KDM6A: variants seen among roughly 807,000 people sequenced by gnomAD.
The protein encoded by KDM6A is lysine demethylase 6A, also known as lysine-specific demethylase 6A.
Under a neutral mutation model 117.6 loss-of-function variants are expected in KDM6A, and 11 were observed. The observed-to-expected ratio is 0.09, with a 90% CI of 0.06 to 0.15. The LOEUF (loss-of-function observed/expected upper bound fraction) is 0.15. Ranked by LOEUF, KDM6A falls within the 10% of genes least tolerant of loss-of-function variation. The probability of loss-of-function intolerance (pLI) is 1.00; values close to 1 mark genes in which losing one functional copy is unlikely to be tolerated. For missense variants in KDM6A, 799 were observed against 1,077.3 expected (o/e 0.74, Z 3.62); for synonymous variants, 384 against 396.1 (o/e 0.97, Z 0.36).
At chrX:44,980,719 T>G (rs1375430259) in intron 4 of KDM6A, among the ~76,000 whole-genome samples, 1 of 105,471 alleles carries the variant, frequency 9.5e-6, no homozygotes, top group East Asian at 2.9e-4. Flanking sequence ...TAGGATTTTC[T>G]ACATACATTA....
At chrX:44,963,483 G>GTGTGTC (rs1481840859) in intron 3 of KDM6A, among the ~76,000 whole-genome samples, 5 of 40,889 alleles carry the variant, frequency 1.2e-4, no homozygotes, top group African/African-American at 3.0e-4. Flanking sequence ...GTGTGTGTGT[G>GTGTGTC]TGTCTGTCTG....
chrX:45,037,597 T>C, intron 7 of KDM6A, 58 bp from the exon 8 acceptor site: 1 of 943,764 alleles, frequency 1.1e-6, no homozygotes, highest in Admixed American at 2.2e-5. Context: ...CTTACTTAAT[T>C]TGCCCCAAAT....
chrX:44,892,761 T>C (rs994187301), intron 2 of KDM6A, among the ~76,000 whole-genome samples: 3 of 109,409 alleles, frequency 2.7e-5, no homozygotes, highest in African/African-American at 1.0e-4. Context: ...CCCAGCACTT[T>C]GGGAGGCCGA....
At chrX:44,968,365 A>G (rs1321578833) in intron 3 of KDM6A, among the ~76,000 whole-genome samples, 1 of 112,421 alleles carries the variant, frequency 8.9e-6, no homozygotes, top group Non-Finnish European at 1.9e-5. Context: ...GCTTCTTTAC[A>G]GTGTCTACTA....
chrX:44,974,795 T>G, intron 4 of KDM6A, 80 bp downstream of exon 4: 1 of 731,308 alleles, frequency 1.4e-6, no homozygotes, highest in Non-Finnish European at 2.1e-6. Flanking sequence ...TTAATTGAGC[T>G]CTTGCTTTTT....
At chrX:45,056,623 A>G (rs2044083223) in intron 10 of KDM6A, among the ~76,000 whole-genome samples, 1 of 111,699 alleles carries the variant, frequency 9.0e-6, no homozygotes, top group African/African-American at 3.3e-5. Context: ...ATAATCACAG[A>G]TAATTAGTAT....
At chrX:45,086,319 A>C in intron 25 of KDM6A, 1 of 215,545 alleles carries the variant, frequency 4.6e-6, no homozygotes, top group Non-Finnish European at 8.5e-6. Flanking sequence ...TGGTTTTAGG[A>C]AGTAGAAGGA....
chrX:44,971,097 C>T lies in KDM6A; in HGVS notation c.335-3569C>T, dbSNP rs150289148. 6.0e-3 allele frequency among the ~76,000 whole-genome samples: 663 copies of T among 111,393 alleles called. 5 individuals carry two copies. Among genetic ancestry groups the T allele is most frequent in the African/African-American group, 0.02 (623 of 30,616 alleles). On this transcript the variant is annotated intron_variant, in intron 3 of 29. Coordinates refer to ENST00000611820, the MANE Select transcript of KDM6A (RefSeq NM_001291415.2). ...TGGTTAGAAATGAATGTGAGAAAAT[C>T]AGCCACACCATTGACTACACAAACT...
At chrX:44,941,632 C>T (rs947757889) in intron 2 of KDM6A, among the ~76,000 whole-genome samples, 4 of 109,424 alleles carry the variant, frequency 3.7e-5, no homozygotes, top group Non-Finnish European at 3.8e-5. Context: ...AGGTACCCGC[C>T]GCCACACCCG....
intron 2 of KDM6A, among the ~76,000 whole-genome samples, chrX:44,960,453 C>G (rs976361188): frequency 7.2e-5 from 8 of 111,097 alleles, no homozygotes; most frequent in African/African-American, 2.6e-4. Flanking sequence ...TGAGATAAAG[C>G]CTTAGAGAAG....
At chrX:45,034,785 G>T (rs1490124785) in intron 6 of KDM6A, 146 bp from the exon 7 acceptor site, 31 of 498,112 alleles carry the variant, frequency 6.2e-5, no homozygotes, top group Non-Finnish European at 1.1e-4. Context: ...AATGTTCAAA[G>T]TATTTCTAGT....
chrX:45,089,029 A>G (rs1332847306), intron 25 of KDM6A, among the ~76,000 whole-genome samples: 1 of 111,912 alleles, frequency 8.9e-6, no homozygotes, highest in African/African-American at 3.2e-5. Flanking sequence ...GTATTGCCAC[A>G]GTGTTCCTGT....
At chrX:44,942,104 G>A (rs367850384) in intron 2 of KDM6A, among the ~76,000 whole-genome samples, 6 of 107,935 alleles carry the variant, frequency 5.6e-5, no homozygotes, top group Non-Finnish European at 9.6e-5. Flanking sequence ...CTGCAATCTC[G>A]GCTCACTGCA....
At chrX:44,992,223 T>C (rs1476609222) in intron 4 of KDM6A, among the ~76,000 whole-genome samples, 3 of 75,043 alleles carry the variant, frequency 4.0e-5, no homozygotes, top group Non-Finnish European at 5.1e-5. Flanking sequence ...TTTTTTTTTT[T>C]TTTTTTTTTT....
At chrX:45,061,216 C>T in intron 14 of KDM6A, 108 bp from the exon 15 acceptor site, 2 of 430,854 alleles carry the variant, frequency 4.6e-6, no homozygotes, top group Admixed American at 3.7e-5. Flanking sequence ...ATCTTTTTAA[C>T]ATGTAAATAT....
At chrX:44,929,838 T>TA (rs1273061471) in intron 2 of KDM6A, among the ~76,000 whole-genome samples, 1 of 110,673 alleles carries the variant, frequency 9.0e-6, no homozygotes. Context: ...TTTTTTTTTT[T>TA]AACCTTTTAA....
chrX:44,907,476 T>C (rs1349091943), intron 2 of KDM6A, among the ~76,000 whole-genome samples: 2 of 105,980 alleles, frequency 1.9e-5, no homozygotes, highest in Non-Finnish European at 3.9e-5. Context: ...TGTGGTTTTT[T>C]TTTTCTTTTT....
intron 2 of KDM6A, among the ~76,000 whole-genome samples, chrX:44,919,868 C>T (rs2035800073): frequency 9.0e-6 from 1 of 111,360 alleles, no homozygotes; most frequent in Admixed American, 9.5e-5. Context: ...CCTGGGCCTC[C>T]CAAAGTGCTG....
chrX:44,961,246 TA>T (rs2038654669), intron 2 of KDM6A, 37 bp from the exon 3 acceptor site: 12 of 1,016,277 alleles, frequency 1.2e-5, no homozygotes, highest in Non-Finnish European at 1.4e-5. Flanking sequence ...TTTAGGGCTT[TA>T]TTTTTTGCTT....
Sources: allele counts gnomAD v4.1 joint callset (sites outside exome capture counted in the v4.1 genomes callset), GRCh38; gene constraint gnomAD v4.1.1; transcripts MANE v1.5; gene names NCBI Gene and HGNC (gene_info 2026-07-23, HGNC 2026-07-21).